CAB39: variants seen among roughly 807,000 people sequenced by gnomAD.
The protein encoded by CAB39 is calcium-binding protein 39.
In CAB39, 8 loss-of-function variants were observed where a neutral mutation model predicts 40.0. The ratio of observed to expected loss-of-function variants is 0.20; its 90% CI spans 0.12 to 0.36. CAB39 has a LOEUF of 0.36. Among genes scored for constraint, CAB39 ranks in the 10% least tolerant of loss-of-function variants. The probability of loss-of-function intolerance (pLI) is 1.00; values close to 1 mark genes in which losing one functional copy is unlikely to be tolerated. For missense variants in CAB39, 270 were observed against 401.1 expected (o/e 0.67, Z 2.79); for synonymous variants, 156 against 141.6 (o/e 1.10, Z -0.72).
At chr2:230,721,133 T>C (rs944762600) in intron 1 of CAB39, among the ~76,000 whole-genome samples, 33 of 152,202 alleles carry the variant, frequency 2.2e-4, no homozygotes, top group African/African-American at 6.3e-4. Flanking sequence ...TGTGTGGTAG[T>C]ATAAGAAAAC....
At position 230,817,808 on chromosome 2, in the gene CAB39, A is replaced by G; in HGVS notation, c.748A>G (p.Ile250Val). The G allele has an allele frequency of 6.2e-7, 1 of 1,612,720 alleles. No individual in the cohort carries two copies. The highest frequency in any genetic ancestry group is 8.5e-7 in the Non-Finnish European group (1 of 1,179,058). ...CAACTTCACAATTATGACAAAATACATCAGTAAACCTGAGAACCTCAAATT... is the reference window on the plus strand; with the variant it reads ...CAACTTCACAATTATGACAAAATACGTCAGTAAACCTGAGAACCTCAAATT... ...RHNFTIMTKY[I>V]SKPENLKLMM... Residue 250 changes from isoleucine to valine, a missense_variant, in exon 8 of 9, where the codon ATC (isoleucine) becomes GTC (valine). Ile to Val is a conservative substitution (Grantham distance 29). Coordinates refer to ENST00000258418, the MANE Select transcript of CAB39 (RefSeq NM_016289.4).
At chr2:230,752,051 C>T (rs1244303638) in intron 1 of CAB39, 1 of 98,650 alleles carries the variant, frequency 1.0e-5, no homozygotes, top group Non-Finnish European at 2.0e-5. Context: ...CCCACATACA[C>T]ACCCCCAACC....
In CAB39 at chr2:230,730,445, CTTTT is replaced by C. The variant is rs11344642; in HGVS notation, c.-44+17228_-44+17231del. 5.5e-5 allele frequency among the ~76,000 whole-genome samples: 7 copies of C among 127,916 alleles called. No homozygotes were observed. The South Asian group carries it at 9.7e-4, about 18-fold the overall frequency. 83.9% of individuals were successfully genotyped at this position (127,916 alleles called of 152,430 possible). On this transcript the variant is annotated intron_variant, in intron 1 of 8. Transcript: ENST00000258418. ...AACTATACATTAGAAGAAAACTTTT[CTTTT>C]TTTTTTTTTTTTGAGACCAAGTCTC... is the stretch of plus-strand genomic sequence containing the variant.
At chr2:230,737,936 C>T (rs1261508883) in intron 1 of CAB39, among the ~76,000 whole-genome samples, 1 of 152,184 alleles carries the variant, frequency 6.6e-6, no homozygotes, top group African/African-American at 2.4e-5. Flanking sequence ...TGTGGTTATT[C>T]TGTAAACAGC....
At chr2:230,807,521 A>G (rs1241304056) in intron 5 of CAB39, among the ~76,000 whole-genome samples, 3 of 145,856 alleles carry the variant, frequency 2.1e-5, no homozygotes, top group Non-Finnish European at 4.4e-5. Context: ...TGCCCCTTTC[A>G]ATCGCTCTTA....
rs190701769 is a variant in CAB39, at chr2:230,748,612, C to T, written c.-43-11347C>T. On this transcript the variant is annotated intron_variant, in intron 1 of 8. Coordinates refer to ENST00000258418, the MANE Select transcript of CAB39 (RefSeq NM_016289.4). ...CTTGAGGCCAGGAGTTCGAGACCAG[C>T]CTGGCCAGCATGGTGAAACCCCATC... Among the ~76,000 whole-genome samples the T allele has an allele frequency of 6.2e-3, 941 of 151,594 alleles. 6 individuals are homozygous for T. Among genetic ancestry groups the T allele is most frequent in the African/African-American group, 0.017 (708 of 41,358 alleles).
At chr2:230,743,524 A>T (rs1248426228) in intron 1 of CAB39, among the ~76,000 whole-genome samples, 1 of 152,242 alleles carries the variant, frequency 6.6e-6, no homozygotes, top group African/African-American at 2.4e-5. Flanking sequence ...AGTTATTGAT[A>T]AAAATATTGA....
intron 5 of CAB39, among the ~76,000 whole-genome samples, chr2:230,805,924 T>G (rs1330580981): frequency 1.3e-5 from 2 of 152,192 alleles, no homozygotes; most frequent in Admixed American, 1.3e-4. Context: ...TGACAAGGCA[T>G]ACTTATCAAA....
rs532442428 is a variant in CAB39 at position 230,718,514 on chromosome 2, G to T, written c.-44+5284G>T. On this transcript the variant is annotated intron_variant, in intron 1 of 8. Coordinates refer to ENST00000258418, the MANE Select transcript of CAB39 (RefSeq NM_016289.4). ...AGCGCAGGTGCAGCCAGACTGCCTA[G>T]ATTTTGAACCCTCATTCCTCTGCTG... is the stretch of plus-strand genomic sequence containing the variant. Among the ~76,000 whole-genome samples, 61 of 152,322 alleles carry T rather than the reference G, an allele frequency of 4.0e-4. 1 individual carries two copies. In the South Asian group the frequency reaches 4.3e-3, roughly 11 times the overall value.
chr2:230,799,960 C>G (rs1696058639), intron 5 of CAB39, among the ~76,000 whole-genome samples: 1 of 151,110 alleles, frequency 6.6e-6, no homozygotes, highest in South Asian at 2.1e-4. Context: ...CATTGCACTC[C>G]AGCCTGGGCA....
intron 2 of CAB39, among the ~76,000 whole-genome samples, chr2:230,778,517 A>G (rs993089323): frequency 6.6e-6 from 1 of 152,206 alleles, no homozygotes; most frequent in Non-Finnish European, 1.5e-5. Context: ...GATTTAAGTC[A>G]AGAGAGTTAA....
chr2:230,757,391 C>G (rs1695211613), intron 1 of CAB39, among the ~76,000 whole-genome samples: 1 of 152,208 alleles, frequency 6.6e-6, no homozygotes, highest in Non-Finnish European at 1.5e-5. Flanking sequence ...GCTGCCTCAC[C>G]TGGCCTGTAT....
At chr2:230,773,428 G>T (rs879315979) in intron 2 of CAB39, among the ~76,000 whole-genome samples, 18 of 151,588 alleles carry the variant, frequency 1.2e-4, no homozygotes, top group Non-Finnish European at 2.5e-4. Flanking sequence ...GACTGTTTAT[G>T]TACCAACTGG....
chr2:230,742,159 G>GTTTGT (rs1553668313), intron 1 of CAB39, among the ~76,000 whole-genome samples: 1 of 61,072 alleles, frequency 1.6e-5, no homozygotes, highest in Admixed American at 1.3e-4. Flanking sequence ...GTTTTGTTTT[G>GTTTGT]TTTGTTTGTT....
intron 2 of CAB39, among the ~76,000 whole-genome samples, chr2:230,776,809 G>T (rs1195777531): frequency 6.6e-6 from 1 of 151,954 alleles, no homozygotes; most frequent in African/African-American, 2.4e-5. Context: ...TACTGCCTCA[G>T]CCTCCCCAGT....
chr2:230,715,476 G>T (rs1694332053), intron 1 of CAB39, among the ~76,000 whole-genome samples: 2 of 152,172 alleles, frequency 1.3e-5, no homozygotes. Flanking sequence ...AAGGGATGTT[G>T]TCAAAAGATT....
intron 2 of CAB39, among the ~76,000 whole-genome samples, chr2:230,784,333 G>A (rs991253577): frequency 2.0e-5 from 3 of 152,140 alleles, no homozygotes; most frequent in South Asian, 2.1e-4. Flanking sequence ...GAGACATTAC[G>A]AGTGGAGACA....
At chr2:230,725,407 GAT>G (rs1694547230) in intron 1 of CAB39, 1 of 1,596,366 alleles carries the variant, frequency 6.3e-7, no homozygotes, top group African/African-American at 1.3e-5. Flanking sequence ...TTGTCATCTT[GAT>G]CAGGCTTAAT....
chr2:230,807,214 C>G (rs1696211817), intron 5 of CAB39, among the ~76,000 whole-genome samples: 2 of 152,006 alleles, frequency 1.3e-5, no homozygotes, highest in African/African-American at 4.8e-5. Context: ...TACACACACC[C>G]CCCTCCCACC....
Sources: allele counts gnomAD v4.1 joint callset (sites outside exome capture counted in the v4.1 genomes callset), GRCh38; gene constraint gnomAD v4.1.1; transcripts MANE v1.5; gene names NCBI Gene and HGNC (gene_info 2026-07-23, HGNC 2026-07-21).